Variants in WWOX observed in about 807,000 individuals in gnomAD.
WWOX encodes the protein WW domain-containing oxidoreductase.
Under a neutral mutation model 46.2 loss-of-function variants are expected in WWOX, and 69 were observed. The ratio of observed to expected loss-of-function variants is 1.49; its 90% CI spans 1.23 to 1.82. WWOX has a LOEUF of 1.82. Among genes scored for constraint, WWOX ranks in the 40% most tolerant of loss-of-function variants. The probability of loss-of-function intolerance (pLI) is 0.00; values close to 1 mark genes in which losing one functional copy is unlikely to be tolerated. For missense variants in WWOX, 919 were observed against 542.6 expected (o/e 1.69, Z -6.89); for synonymous variants, 359 against 202.6 (o/e 1.77, Z -6.56).
chr16:78,774,085 A>G (rs879371634), intron 8 of WWOX, among the ~76,000 whole-genome samples: 6 of 152,174 alleles, frequency 3.9e-5, no homozygotes, highest in Non-Finnish European at 5.9e-5. Flanking sequence ...TCCTTCTGAA[A>G]GAAGGGCTGG....
At chr16:78,387,877 C>T (rs1419119067) in intron 6 of WWOX, among the ~76,000 whole-genome samples, 1 of 152,072 alleles carries the variant, frequency 6.6e-6, no homozygotes, top group East Asian at 1.9e-4. Context: ...GGCACCAGAA[C>T]CACTGAATGT....
intron 5 of WWOX, among the ~76,000 whole-genome samples, chr16:78,201,775 C>G (rs528647615): frequency 6.6e-6 from 1 of 152,144 alleles, no homozygotes; most frequent in East Asian, 1.9e-4. Flanking sequence ...CCTTGACTCA[C>G]TGCAACCTCT....
At chr16:78,250,636 C>T (rs1319908590) in intron 5 of WWOX, among the ~76,000 whole-genome samples, 3 of 152,102 alleles carry the variant, frequency 2.0e-5, no homozygotes, top group Admixed American at 1.3e-4. Context: ...AACAGATAGA[C>T]ATGGGGTTTT....
At chr16:78,195,928 A>G (rs1385191992) in intron 5 of WWOX, among the ~76,000 whole-genome samples, 9 of 152,022 alleles carry the variant, frequency 5.9e-5, no homozygotes, top group Middle Eastern at 3.4e-3. Flanking sequence ...TTATTTTCGC[A>G]CTTCCTATTT....
chr16:78,924,249 A>G (rs2045447610), intron 8 of WWOX, among the ~76,000 whole-genome samples: 1 of 152,220 alleles, frequency 6.6e-6, no homozygotes. Context: ...GTCTTGGAAA[A>G]GAACTTTATA....
intron 8 of WWOX, among the ~76,000 whole-genome samples, chr16:78,673,801 T>G (rs1374919064): frequency 6.6e-6 from 1 of 152,204 alleles, no homozygotes; most frequent in Non-Finnish European, 1.5e-5. Context: ...GTCCCAATTC[T>G]ATATTTAAAT....
At chr16:78,490,777 C>T (rs901914169) in intron 8 of WWOX, among the ~76,000 whole-genome samples, 2 of 152,216 alleles carry the variant, frequency 1.3e-5, no homozygotes, top group Non-Finnish European at 2.9e-5. Flanking sequence ...ACCCCTTACC[C>T]AGCAAACGTG....
At chr16:78,767,598 C>G (rs1054969175) in intron 8 of WWOX, among the ~76,000 whole-genome samples, 2 of 152,032 alleles carry the variant, frequency 1.3e-5, no homozygotes, top group African/African-American at 4.8e-5. Flanking sequence ...AGTGAAATTG[C>G]TGCGTCGTTT....
intron 8 of WWOX, among the ~76,000 whole-genome samples, chr16:78,998,128 C>T (rs372954959): frequency 1.1e-4 from 16 of 152,174 alleles, no homozygotes; most frequent in Non-Finnish European, 1.8e-4. Context: ...CCGCCCGCCT[C>T]GGCCTCCCAA....
intron 5 of WWOX, among the ~76,000 whole-genome samples, chr16:78,294,823 G>A (rs1321670325): frequency 1.3e-5 from 2 of 152,318 alleles, no homozygotes; most frequent in East Asian, 3.9e-4. Flanking sequence ...GTCAACATTT[G>A]TTGATTGTGA....
chr16:78,916,453 C>G (rs774114241), intron 8 of WWOX, among the ~76,000 whole-genome samples: 5 of 152,158 alleles, frequency 3.3e-5, no homozygotes, highest in African/African-American at 7.2e-5. Flanking sequence ...ACAATTATCG[C>G]TAAAGAGAAT....
intron 8 of WWOX, among the ~76,000 whole-genome samples, chr16:78,580,031 A>G (rs969241159): frequency 9.2e-5 from 14 of 151,484 alleles, no homozygotes; most frequent in Middle Eastern, 3.5e-3. Context: ...CTCAAAGCCT[A>G]TTGAAAGCAA....
At chr16:78,752,480 A>G (rs913741692) in intron 8 of WWOX, among the ~76,000 whole-genome samples, 1 of 152,046 alleles carries the variant, frequency 6.6e-6, no homozygotes, top group Admixed American at 6.6e-5. Flanking sequence ...TAGACACGGG[A>G]TTTCGCCCTG....
intron 8 of WWOX, among the ~76,000 whole-genome samples, chr16:79,029,627 A>G (rs1268089429): frequency 6.6e-6 from 1 of 152,220 alleles, no homozygotes; most frequent in Non-Finnish European, 1.5e-5. Flanking sequence ...ATATATTCTT[A>G]TATAAAATTG....
chr16:79,185,823 G>C (rs1335896046), intron 8 of WWOX, among the ~76,000 whole-genome samples: 7 of 152,160 alleles, frequency 4.6e-5, no homozygotes, highest in African/African-American at 1.7e-4. Flanking sequence ...TGCCTAGTGT[G>C]AGAAGGGACT....
At chr16:78,397,623 G>C (rs1444354848) in intron 6 of WWOX, among the ~76,000 whole-genome samples, 5 of 152,188 alleles carry the variant, frequency 3.3e-5, no homozygotes, top group South Asian at 2.1e-4. Flanking sequence ...AAAAAACATT[G>C]TTTCTAAAGG....
chr16:78,535,890 C>A (rs538066272), intron 8 of WWOX, among the ~76,000 whole-genome samples: 2 of 152,180 alleles, frequency 1.3e-5, no homozygotes, highest in African/African-American at 4.8e-5. Context: ...TCATTTTCCT[C>A]GGTGGTGAAG....
intron 8 of WWOX, among the ~76,000 whole-genome samples, chr16:78,707,580 T>A (rs73571496): frequency 3.2e-4 from 49 of 152,222 alleles, no homozygotes; most frequent in African/African-American, 1.2e-3. Context: ...GCTCAAAATC[T>A]GCAGTATTCA....
intron 8 of WWOX, among the ~76,000 whole-genome samples, chr16:78,575,460 A>G (rs1214049742): frequency 6.6e-6 from 1 of 151,968 alleles, no homozygotes; most frequent in Non-Finnish European, 1.5e-5. Context: ...AGGGATGCTC[A>G]GGAAACCAAA....
Sources: allele counts gnomAD v4.1 joint callset (sites outside exome capture counted in the v4.1 genomes callset), GRCh38; gene constraint gnomAD v4.1.1; transcripts MANE v1.5; gene names NCBI Gene and HGNC (gene_info 2026-07-23, HGNC 2026-07-21).